Variants in TAF8 observed in about 807,000 individuals in gnomAD.
The protein encoded by TAF8 is TATA-box binding protein associated factor 8, also known as transcription initiation factor TFIID subunit 8.
In TAF8, 47 loss-of-function variants were observed where a neutral mutation model predicts 36.5. The observed-to-expected ratio is 1.29, with a 90% CI of 1.02 to 1.64. The LOEUF (loss-of-function observed/expected upper bound fraction) is 1.64, where lower values mean the gene tolerates loss of function less well. TAF8 is among the 40% of genes most tolerant of loss of function. The pLI, the probability that TAF8 is intolerant of heterozygous loss-of-function variation, is 0.00. For missense variants in TAF8, 420 were observed against 407.6 expected, an observed-to-expected ratio of 1.03 and a Z score of -0.26; for synonymous variants, 175 against 159.5, an observed-to-expected ratio of 1.10 and a Z score of -0.73.
At chr6:42,055,744 G>A in intron 3 of TAF8, 115 bp downstream of exon 3, 6 of 856,768 alleles carry the variant, frequency 7.0e-6, no homozygotes, top group Non-Finnish European at 1.9e-6. Context: ...GAATTGCTTT[G>A]AGCTTGAGAG....
In TAF8 at chr6:42,078,149, C is replaced by A; in HGVS notation, c.*604C>A. 1 of 968,490 alleles carries A rather than the reference C, an allele frequency of 1.0e-6. No individual in the cohort carries two copies. Among genetic ancestry groups the A allele is most frequent in the Non-Finnish European group, 1.2e-6 (1 of 814,248 alleles). 60.0% of individuals were successfully genotyped at this position (968,490 alleles called of 1,614,324 possible). ...CAAGTGATAACCCGCCTCGGCCTCC[C>A]AAAGTGCTGAGATTACAGGCGTGAG... is the stretch of plus-strand genomic sequence containing the variant. On this transcript the variant is annotated 3_prime_UTR_variant, in exon 9 of 9. Transcript: ENST00000372977.
chr6:42,057,386 C>A lies in TAF8; in HGVS notation c.365-3C>A, dbSNP rs1765031309. On this transcript the variant is annotated splice_region_variant and splice_polypyrimidine_tract_variant and intron_variant, in intron 4 of 8. Transcript: ENST00000372977. ...GGGGTAATCAGTTGTGACTCTGTTG[C>A]AGCTCCGGTGACCAATCAGCCAGTG... is the stretch of plus-strand genomic sequence containing the variant. 1 of 1,614,022 alleles carries A rather than the reference C, an allele frequency of 6.2e-7. No homozygotes were observed. The highest frequency in any genetic ancestry group is 1.1e-5 in the South Asian group (1 of 91,080).
intron 7 of TAF8, among the ~76,000 whole-genome samples, chr6:42,069,889 A>G (rs1765505896): frequency 6.6e-6 from 1 of 152,160 alleles, no homozygotes; most frequent in Non-Finnish European, 1.5e-5. Context: ...AGGTGGGAGA[A>G]CTGGAAGAGG....
intron 4 of TAF8, chr6:42,056,403 C>G: frequency 4.3e-6 from 1 of 230,092 alleles, no homozygotes; most frequent in Non-Finnish European, 8.7e-6. Context: ...TACTTATTAT[C>G]TGTGGTTGTT....
rs1044181422 is a variant in TAF8, at chr6:42,079,522, G to A, written c.*1977G>A. On this transcript the variant is annotated 3_prime_UTR_variant, in exon 9 of 9. Transcript: ENST00000372977. ...TTGTTTCCCAAATTAGAATCCTAACGTCCATATTTAGCTTCATGTATTCCC... is the reference window on the plus strand; with the variant it reads ...TTGTTTCCCAAATTAGAATCCTAACATCCATATTTAGCTTCATGTATTCCC... The A allele has an allele frequency of 7.1e-6, 7 of 985,116 alleles. No individual in the cohort carries two copies. The highest frequency in any genetic ancestry group is 2.3e-4 in the East Asian group (2 of 8,818). The allele number at this position is 985,116 out of a possible 1,614,324, so 61.0% of individuals were successfully genotyped here.
intron 6 of TAF8, among the ~76,000 whole-genome samples, chr6:42,067,769 T>C (rs1765417381): frequency 6.6e-6 from 1 of 151,842 alleles, no homozygotes; most frequent in Non-Finnish European, 1.5e-5. Flanking sequence ...TTCACCATGT[T>C]GCCCAGGCTG....
At chr6:42,075,933 G>C (rs1765730283) in intron 7 of TAF8, among the ~76,000 whole-genome samples, 2 of 152,224 alleles carry the variant, frequency 1.3e-5, no homozygotes, top group East Asian at 3.8e-4. Context: ...AAAGCGGCCG[G>C]GCGCGGTGGC....
intron 2 of TAF8, 140 bp from the exon 3 acceptor site, chr6:42,055,391 G>A: frequency 1.6e-6 from 1 of 632,728 alleles, no homozygotes; most frequent in East Asian, 2.8e-5. Flanking sequence ...GAACATTGGT[G>A]TACTAGTAGC....
Position 42,080,818 on chromosome 6 carries a change from C to A in TAF8, c.*3273C>A. 1.0e-6 allele frequency: 1 copy of A among 979,812 alleles called. No homozygotes were observed. The highest frequency in any genetic ancestry group is 1.7e-5 in the African/African-American group (1 of 57,176). 60.7% of individuals were successfully genotyped at this position (979,812 alleles called of 1,614,324 possible). A position where few individuals can be genotyped will look rare whatever the true frequency, so the allele number is the denominator to read the frequency against. On this transcript the variant is annotated 3_prime_UTR_variant, in exon 9 of 9. Coordinates refer to ENST00000372977, the MANE Select transcript of TAF8 (RefSeq NM_138572.3). The stretch of plus-strand genomic sequence containing the variant: ...TATTTTTTATAACTTTATGGGACTT[C>A]TTAGAGGCCAAAAGTAGTAAACATG...
Position 42,068,583 on chromosome 6 carries a change from G to A in TAF8, c.756G>A (p.Glu252=). The A allele has an allele frequency of 1.2e-6, 2 of 1,613,732 alleles. No homozygotes were observed. The highest frequency in any genetic ancestry group is 1.1e-5 in the South Asian group (1 of 91,086). The change falls in exon 7 of 9, where the codon GAG becomes GAA. Residue 252 remains glutamate, a synonymous_variant. Transcript: ENST00000372977. The stretch of plus-strand genomic sequence containing the variant: ...AGCAGGATGAACAGACAGACACAGA[G>A]AACCTTGCTCTTCATATCAGCATGG... ...SSEQDEQTDT[E]NLALHISMED...
intron 7 of TAF8, among the ~76,000 whole-genome samples, chr6:42,075,218 G>T (rs534655919): frequency 1.3e-5 from 2 of 152,298 alleles, no homozygotes; most frequent in Admixed American, 1.3e-4. Flanking sequence ...GATACCCAAG[G>T]GAGGTCTGGT....
At chr6:42,052,327 C>CTTTTTTTTTT (rs1562008042) in intron 2 of TAF8, among the ~76,000 whole-genome samples, 1 of 149,210 alleles carries the variant, frequency 6.7e-6, no homozygotes, top group Non-Finnish European at 1.5e-5. Flanking sequence ...GCCCCCCCCC[C>CTTTTTTTTTT]CTTTTTTTTT....
At chr6:42,086,041 A>G (rs1025328976), downstream of TAF8, among the ~76,000 whole-genome samples, 2 of 148,506 alleles carry the variant, frequency 1.3e-5, no homozygotes, top group Non-Finnish European at 3.1e-5. Flanking sequence ...CAGTGAGGAG[A>G]CACTATCTGA....
At chr6:42,054,931 C>CT (rs376052836) in intron 2 of TAF8, among the ~76,000 whole-genome samples, 2,290 of 123,744 alleles carry the variant, frequency 0.019, 49 homozygotes, top group African/African-American at 0.057. Flanking sequence ...TTTTTCTTTT[C>CT]TTTTTTTTTT....
chr6:42,064,881 CGGGGGGCGG>C (rs1222342876), intron 5 of TAF8, among the ~76,000 whole-genome samples: 1 of 143,910 alleles, frequency 6.9e-6, no homozygotes, highest in Non-Finnish European at 1.5e-5. Context: ...GGCATGCACC[CGGGGGGCGG>C]AGCTTGCAGT....
At chr6:42,085,321 A>T (rs552321443), downstream of TAF8, among the ~76,000 whole-genome samples, 19 of 152,362 alleles carry the variant, frequency 1.2e-4, no homozygotes, top group East Asian at 1.3e-3. Flanking sequence ...CCAGCAAACA[A>T]TGCTGCGCTG....
chr6:42,059,310 G>C (rs1259481980), intron 5 of TAF8, among the ~76,000 whole-genome samples: 1 of 152,004 alleles, frequency 6.6e-6, no homozygotes, highest in Non-Finnish European at 1.5e-5. Flanking sequence ...GTGAACCCGG[G>C]AGGCAGAGCT....
rs1404087932 is a variant in TAF8 at position 42,083,178 on chromosome 6, T to C, written c.*5633T>C. 1 of 152,248 alleles carries C rather than the reference T, an allele frequency of 6.6e-6. No homozygotes were observed. The highest frequency in any genetic ancestry group is 1.5e-5 in the Non-Finnish European group (1 of 68,050). 9.4% of individuals were successfully genotyped at this position (152,248 alleles called of 1,614,324 possible). ...ACCTTATGTATTCTTCCAGAAGTAT[T>C]CTGTGCATCAAATGCAAATACTTAT... On this transcript the variant is annotated 3_prime_UTR_variant, in exon 9 of 9. Coordinates refer to ENST00000372977, the MANE Select transcript of TAF8 (RefSeq NM_138572.3).
At chr6:42,052,325 C>T (rs1177152801) in intron 2 of TAF8, among the ~76,000 whole-genome samples, 1 of 151,082 alleles carries the variant, frequency 6.6e-6, no homozygotes, top group African/African-American at 2.4e-5. Flanking sequence ...AAGCCCCCCC[C>T]CCCTTTTTTT....
Sources: gnomAD v4.1 joint callset for allele counts (sites outside exome capture counted in the v4.1 genomes callset) on GRCh38, gnomAD v4.1.1 for gene constraint, MANE v1.5 for transcripts, NCBI Gene and HGNC (gene_info 2026-07-23, HGNC 2026-07-21) for gene names.